The following MAP3K4 variants were observed in gnomAD, a reference collection of about 807,000 sequenced individuals.
MAP3K4 encodes the protein mitogen-activated protein kinase kinase kinase 4.
In MAP3K4, 67 loss-of-function variants were observed where a neutral mutation model predicts 185.6. The observed-to-expected ratio is 0.36, with a 90% CI of 0.30 to 0.44. The LOEUF is 0.44. Ranked by LOEUF, MAP3K4 falls within the 20% of genes least tolerant of loss-of-function variation. MAP3K4 has a pLI of 1.00. For missense variants in MAP3K4, 1,551 were observed against 1,995.1 expected (o/e 0.78, Z 4.24); for synonymous variants, 702 against 710.4 (o/e 0.99, Z 0.19).
intron 1 of MAP3K4, among the ~76,000 whole-genome samples, chr6:160,993,377 A>G (rs1780830989): frequency 6.6e-6 from 1 of 152,244 alleles, no homozygotes; most frequent in South Asian, 2.1e-4. Flanking sequence ...TTTAAAATTA[A>G]TAGTGAACAC....
In MAP3K4 at chr6:161,073,701, G is replaced by A. The variant is rs921058982; in HGVS notation, c.2097+89G>A. 2.3e-5 allele frequency: 31 copies of A among 1,355,042 alleles called. No individual in the cohort carries two copies. The highest frequency in any genetic ancestry group is 2.9e-5 in the South Asian group (2 of 69,360). The allele number at this position is 1,355,042 out of a possible 1,614,324, so 83.9% of individuals were successfully genotyped here. On this transcript the variant is annotated intron_variant, in intron 5 of 26. Coordinates refer to ENST00000392142, the MANE Select transcript of MAP3K4 (RefSeq NM_005922.4). This position sits in a 1 kb window ranked among gnomAD's most constrained non-coding sequence, Gnocchi z 4.2. ...TGTATTTCCTTGTTTTGCAAACAGCGTTGGCATACATATTCAGATAAACTT... is the reference window on the plus strand; with the variant it reads ...TGTATTTCCTTGTTTTGCAAACAGCATTGGCATACATATTCAGATAAACTT...
chr6:161,041,779 T>C (rs988782080), intron 2 of MAP3K4, among the ~76,000 whole-genome samples: 1 of 152,004 alleles, frequency 6.6e-6, no homozygotes, highest in Non-Finnish European at 1.5e-5. Context: ...ACATAGAGAG[T>C]TGACGAGCAG....
chr6:161,082,954 GC>G lies in MAP3K4; in HGVS notation c.2256-1545del, dbSNP rs1785527402. Among the ~76,000 whole-genome samples, 1 of 152,174 alleles carries G rather than the reference GC, an allele frequency of 6.6e-6. No individual in the cohort carries two copies. The highest frequency in any genetic ancestry group is 1.9e-4 in the East Asian group (1 of 5,188). On this transcript the variant is annotated intron_variant, in intron 6 of 26. Coordinates refer to ENST00000392142, the MANE Select transcript of MAP3K4 (RefSeq NM_005922.4). This position sits in a 1 kb window ranked among gnomAD's most constrained non-coding sequence, Gnocchi z 4.2. ...CATCTTACTCAGGAAACGTAAGACT[GC>G]CTAACAATGGCCCGCAAGGCCTGAC... is the stretch of plus-strand genomic sequence containing the variant.
Position 161,112,198 on chromosome 6 carries a change from C to A in MAP3K4, c.4519+240C>A, listed in dbSNP as rs1778383199. ...GGAAAGCCTCTTTTTCTCACCAGAA[C>A]AACTCTTTTGTTGTTTGCATTGTTT... On this transcript the variant is annotated intron_variant, in intron 24 of 26. Transcript: ENST00000392142. The surrounding 1 kb of genome is among the most constrained non-coding windows in gnomAD (Gnocchi z 5.1). Among the ~76,000 whole-genome samples, 1 of 137,846 alleles carries A rather than the reference C, an allele frequency of 7.3e-6. No homozygotes were observed. The highest frequency in any genetic ancestry group is 8.0e-5 in the Admixed American group (1 of 12,486). 90.4% of individuals were successfully genotyped at this position (137,846 alleles called of 152,430 possible).
chr6:161,087,924 G>A lies in MAP3K4; in HGVS notation c.2793G>A (p.Val931=). ...EAQPVKVVPQ[V]ETVDTLRSMQ... is the part of the protein sequence containing the mutation. ...AGCCTGTCAAAGTCGTGCCTCAGGT[G>A]GAGACTGTTGACACCCTGAGAAGCA... is the stretch of plus-strand genomic sequence containing the variant. The change falls in exon 10 of 27, where the codon GTG becomes GTA. Residue 931 remains valine, a synonymous_variant. Coordinates refer to ENST00000392142, the MANE Select transcript of MAP3K4 (RefSeq NM_005922.4). This position sits in a 1 kb window ranked among gnomAD's most constrained non-coding sequence, Gnocchi z 4.9. 1 of 1,613,872 alleles carries A rather than the reference G, an allele frequency of 6.2e-7. No homozygotes were observed. The highest frequency in any genetic ancestry group is 8.5e-7 in the Non-Finnish European group (1 of 1,179,944).
chr6:161,100,743 A>G lies in MAP3K4; in HGVS notation c.3675-1149A>G, dbSNP rs910950466. 6.6e-6 allele frequency among the ~76,000 whole-genome samples: 1 copy of G among 151,664 alleles called. No individual in the cohort carries two copies. The highest frequency in any genetic ancestry group is 6.6e-5 in the Admixed American group (1 of 15,256). ...GCTAGTCTCACTTGTGGGAAATCGG[A>G]AAAATTAGAGGTGTTTAGTGACTTC... On this transcript the variant is annotated intron_variant, in intron 17 of 26. Coordinates refer to ENST00000392142, the MANE Select transcript of MAP3K4 (RefSeq NM_005922.4). This position sits in a 1 kb window ranked among gnomAD's most constrained non-coding sequence, Gnocchi z 5.8.
At chr6:161,036,222 G>A (rs1351231375) in intron 2 of MAP3K4, among the ~76,000 whole-genome samples, 4 of 152,156 alleles carry the variant, frequency 2.6e-5, no homozygotes, top group Admixed American at 2.6e-4. Context: ...TAGAATTTTA[G>A]AGCCAGAAGG....
chr6:161,049,782 C>T lies in MAP3K4; in HGVS notation c.1510C>T (p.Leu504Phe), dbSNP rs1583166949. The change falls in exon 3 of 27, where the codon CTT becomes TTT. Residue 504 changes from leucine (L) to phenylalanine (F), a missense_variant. Coordinates refer to ENST00000392142, the MANE Select transcript of MAP3K4 (RefSeq NM_005922.4). The surrounding 1 kb of genome is among the most constrained non-coding windows in gnomAD (Gnocchi z 8.4). Reference protein sequence around the residue: ...LERLESEDDSLGWGAPDWSTE... With the variant: ...LERLESEDDSFGWGAPDWSTE... ...GAGGCTCGAATCTGAGGATGATTCT[C>T]TTGGCTGGGGAGCACCAGACTGGAG... is the stretch of plus-strand genomic sequence containing the variant. 6.8e-6 allele frequency: 11 copies of T among 1,614,012 alleles called. No homozygotes were observed. The highest frequency in any genetic ancestry group is 1.7e-5 in the Admixed American group (1 of 59,994).
At chr6:161,009,441 A>G (rs2115072634) in intron 1 of MAP3K4, among the ~76,000 whole-genome samples, 1 of 152,344 alleles carries the variant, frequency 6.6e-6, no homozygotes, top group East Asian at 1.9e-4. Context: ...ACTGTGTTAC[A>G]GTTTCATGAA....
At chr6:160,994,323 A>G (rs566655561) in intron 1 of MAP3K4, among the ~76,000 whole-genome samples, 15 of 152,216 alleles carry the variant, frequency 9.9e-5, no homozygotes, top group Admixed American at 3.3e-4. Context: ...TTCAAAGTCC[A>G]TTATATCATT....
intron 2 of MAP3K4, among the ~76,000 whole-genome samples, chr6:161,041,044 G>T (rs1265603129): frequency 6.6e-6 from 1 of 152,246 alleles, no homozygotes; most frequent in Non-Finnish European, 1.5e-5. Flanking sequence ...AGAAGGTGAA[G>T]CAGCCATGTC....
At chr6:161,029,286 C>G (rs1488957700) in intron 1 of MAP3K4, among the ~76,000 whole-genome samples, 1 of 152,164 alleles carries the variant, frequency 6.6e-6, no homozygotes, top group African/African-American at 2.4e-5. Context: ...TGCAGAACCA[C>G]AGATGTTTTC....
chr6:160,994,197 G>C (rs1357936228), intron 1 of MAP3K4, among the ~76,000 whole-genome samples: 2 of 151,266 alleles, frequency 1.3e-5, no homozygotes, highest in Non-Finnish European at 2.9e-5. Context: ...TTGGTTACAT[G>C]GATAAGTTCT....
Position 161,093,819 on chromosome 6 carries a change from A to G in MAP3K4, c.3395A>G (p.Lys1132Arg). Residue 1132 changes from lysine (K) to arginine (R), a missense_variant, in exon 15 of 27, where the codon AAA becomes AGA. Lys to Arg is a conservative substitution (Grantham distance 26). Around this residue, in one of 16 missense-constraint regions of MAP3K4, gnomAD observed 272 missense variants for 301.2 expected, o/e 0.90. Coordinates refer to ENST00000392142, the MANE Select transcript of MAP3K4 (RefSeq NM_005922.4). This position sits in a 1 kb window ranked among gnomAD's most constrained non-coding sequence, Gnocchi z 5.2. ...MNECIGHVIG[K>R]PHSPVTGLYL... ...GAATGCATTGGCCATGTCATAGGAA[A>G]ACCACACAGTCCTGTTACAGGTTTG... The G allele has an allele frequency of 6.2e-7, 1 of 1,613,876 alleles. No homozygotes were observed. The highest frequency in any genetic ancestry group is 8.5e-7 in the Non-Finnish European group (1 of 1,179,902).
At chr6:161,058,802 CA>C (rs1393500754) in intron 3 of MAP3K4, among the ~76,000 whole-genome samples, 3 of 151,842 alleles carry the variant, frequency 2.0e-5, no homozygotes, top group African/African-American at 7.3e-5. Flanking sequence ...TTCCATTTAA[CA>C]ACTACATGAT....
chr6:161,058,998 A>G (rs1784370655), intron 3 of MAP3K4, among the ~76,000 whole-genome samples: 2 of 152,204 alleles, frequency 1.3e-5, no homozygotes, highest in South Asian at 4.1e-4. Flanking sequence ...GGGTATATGC[A>G]CATTCACATC....
rs118025579 is a variant in MAP3K4, at chr6:161,039,901, A to G, written c.343+5452A>G. On this transcript the variant is annotated intron_variant, in intron 2 of 26. Transcript: ENST00000392142. The stretch of plus-strand genomic sequence containing the variant: ...TTGGATCATTATAACCATGTTCCCT[A>G]TAGTGTGTTTCCATAGTTTCAAACA... Among the ~76,000 whole-genome samples the G allele has an allele frequency of 1.1e-3, 173 of 152,318 alleles. 1 individual carries two copies. In the East Asian group the frequency reaches 0.028, roughly 25 times the overall value.
rs182760152 is a variant in MAP3K4 at position 161,109,295 on chromosome 6, G to A, written c.4236+436G>A. On this transcript the variant is annotated intron_variant, in intron 22 of 26. Coordinates refer to ENST00000392142, the MANE Select transcript of MAP3K4 (RefSeq NM_005922.4). The surrounding 1 kb of genome is among the most constrained non-coding windows in gnomAD (Gnocchi z 5.7). ...CCTCCTTGTGTTTAGAAATAAACAC[G>A]TCGAGGGAAAGAGGATAACTTGGAG... 1.8e-4 allele frequency among the ~76,000 whole-genome samples: 27 copies of A among 152,276 alleles called. No individual in the cohort carries two copies. Among genetic ancestry groups the A allele is most frequent in the East Asian group, 1.2e-3 (6 of 5,190 alleles).
In MAP3K4 at chr6:161,037,523, A is replaced by G. The variant is rs1783225969; in HGVS notation, c.343+3074A>G. Among the ~76,000 whole-genome samples, 1 of 152,096 alleles carries G rather than the reference A, an allele frequency of 6.6e-6. No individual in the cohort carries two copies. The highest frequency in any genetic ancestry group is 1.9e-4 in the East Asian group (1 of 5,190). On this transcript the variant is annotated intron_variant, in intron 2 of 26. Transcript: ENST00000392142. This position sits in a 1 kb window ranked among gnomAD's most constrained non-coding sequence, Gnocchi z 4.2. ...AACCTCCGCCTCCTGGGTTCAAGCA[A>G]TTCTCCTGCCTCACCCTCCCGAGTA... is the stretch of plus-strand genomic sequence containing the variant.
Sources: gnomAD v4.1 joint callset for allele counts (sites outside exome capture counted in the v4.1 genomes callset) on GRCh38, gnomAD v4.1.1 for gene constraint, gnomAD v4.1.1 regional missense constraint, Gnocchi (gnomAD v3.1) non-coding constraint, MANE v1.5 for transcripts, NCBI Gene and HGNC (gene_info 2026-07-23, HGNC 2026-07-21) for gene names.